Variants in RP1 observed in about 807,000 individuals in gnomAD.
The protein encoded by RP1 is oxygen-regulated protein 1.
Under a neutral mutation model 14.8 loss-of-function variants are expected in RP1, and 16 were observed. The observed-to-expected ratio is 1.08, with a 90% CI of 0.73 to 1.65. The LOEUF (loss-of-function observed/expected upper bound fraction) is 1.65, where lower values mean the gene tolerates loss of function less well. Ranked by LOEUF, RP1 falls within the 40% of genes most tolerant of loss-of-function variation. The probability of loss-of-function intolerance (pLI) is 0.00; values close to 1 mark genes in which losing one functional copy is unlikely to be tolerated. For synonymous variants in RP1, 876 were observed against 883.6 expected (o/e 0.99, Z 0.15); for missense variants, 2,631 against 2,535.0 (o/e 1.04, Z -0.81).
chr8:54,697,653 A>G (rs1351876671), intron 12 of RP1, among the ~76,000 whole-genome samples: 2 of 152,200 alleles, frequency 1.3e-5, no homozygotes, highest in South Asian at 2.1e-4. Context: ...TCTCAAGGCT[A>G]CAGAAACCAA....
At chr8:54,570,198 T>C (rs146690331) in intron 1 of RP1, among the ~76,000 whole-genome samples, 1,936 of 152,270 alleles carry the variant, frequency 0.013, 17 homozygotes, top group Middle Eastern at 0.034. Flanking sequence ...AGGAAGCCTG[T>C]GCTCCTGGAA....
At chr8:54,802,255 A>G (rs1810731441) in intron 24 of RP1, among the ~76,000 whole-genome samples, 1 of 152,192 alleles carries the variant, frequency 6.6e-6, no homozygotes, top group African/African-American at 2.4e-5. Context: ...CTTGTAATGT[A>G]TTTATTATAG....
At position 54,629,264 on chromosome 8, in the gene RP1, C is replaced by T. The variant is rs1230578289; in HGVS notation, c.5382C>T (p.Gly1794=). Residue 1794 remains glycine, a synonymous_variant, in exon 4 of 4, where the codon GGC becomes GGT. Coordinates refer to ENST00000220676, the MANE Select transcript of RP1 (RefSeq NM_006269.2). ...CACATTTTGGTAATTTGGCCCCAGG[C>T]CCAACGATGGATGAACTCTCCTCTT... The part of the protein sequence containing the change: ...PYSHFGNLAP[G]PTMDELSSSE... 5 of 1,613,646 alleles carry T rather than the reference C, an allele frequency of 3.1e-6. No individual in the cohort carries two copies. Among genetic ancestry groups the T allele is most frequent in the Non-Finnish European group, 4.2e-6 (5 of 1,179,814 alleles).
At chr8:54,732,220 A>C (rs1219737809) in intron 17 of RP1, among the ~76,000 whole-genome samples, 1 of 152,184 alleles carries the variant, frequency 6.6e-6, no homozygotes, top group Non-Finnish European at 1.5e-5. Flanking sequence ...ATTCTGAGCC[A>C]TATTCCTACA....
chr8:54,725,629 T>G (rs901773835), intron 16 of RP1, among the ~76,000 whole-genome samples: 7 of 152,196 alleles, frequency 4.6e-5, no homozygotes, highest in African/African-American at 1.7e-4. Flanking sequence ...TTCTTACTCT[T>G]TATCTTATAG....
intron 26 of RP1, among the ~76,000 whole-genome samples, chr8:54,853,796 G>A (rs974782294): frequency 8.1e-6 from 1 of 124,088 alleles, no homozygotes; most frequent in Non-Finnish European, 1.7e-5. Context: ...AAGAAAGAGA[G>A]AGAGAAAGAA....
At chr8:54,777,404 T>A (rs1295338871) in intron 23 of RP1, among the ~76,000 whole-genome samples, 1 of 152,180 alleles carries the variant, frequency 6.6e-6, no homozygotes, top group Non-Finnish European at 1.5e-5. Flanking sequence ...AATATCAAGA[T>A]AAAATAGGTA....
At chr8:54,583,010 G>A (rs926275891) in intron 1 of RP1, among the ~76,000 whole-genome samples, 1 of 152,066 alleles carries the variant, frequency 6.6e-6, no homozygotes. Context: ...CTGCCTGATT[G>A]CCCTGGCCAG....
intron 1 of RP1, among the ~76,000 whole-genome samples, chr8:54,587,772 G>A (rs1804964229): frequency 6.6e-6 from 1 of 152,224 alleles, no homozygotes; most frequent in South Asian, 2.1e-4. Flanking sequence ...AAGGTGAACT[G>A]ATGACTTTTT....
chr8:54,814,835 T>C (rs1473896668), intron 24 of RP1, among the ~76,000 whole-genome samples: 1 of 152,058 alleles, frequency 6.6e-6, no homozygotes, highest in Admixed American at 6.6e-5. Context: ...CTCCAGTATG[T>C]CTTTGGAAAC....
At chr8:54,811,726 G>A (rs1810999359) in intron 24 of RP1, among the ~76,000 whole-genome samples, 1 of 152,146 alleles carries the variant, frequency 6.6e-6, no homozygotes, top group South Asian at 2.1e-4. Context: ...CAAAAGGTTG[G>A]GTGTGCGAAA....
Position 54,743,202 on chromosome 8 carries a change from C to G in RP1, c.2808+4173C>G, listed in dbSNP as rs188332593. 4.5e-3 allele frequency among the ~76,000 whole-genome samples: 689 copies of G among 152,266 alleles called. 2 individuals are homozygous for G. Among genetic ancestry groups the G allele is most frequent in the Admixed American group, 7.6e-3 (116 of 15,288 alleles). Reference sequence around the variant, plus strand: ...GATTCCCAGTTGTTAAGGTTGCACTCCATCTACTTTACCATTCCCTGTTAA... The same window carrying G: ...GATTCCCAGTTGTTAAGGTTGCACTGCATCTACTTTACCATTCCCTGTTAA... On this transcript the variant is annotated intron_variant, in intron 19 of 22. Transcript: ENST00000636932.
intron 14 of RP1, chr8:54,701,809 G>A: frequency 1.4e-6 from 1 of 704,802 alleles, no homozygotes; most frequent in Non-Finnish European, 2.3e-6. Flanking sequence ...ATTCTGTTTG[G>A]CAGACTTTGA....
At chr8:54,583,065 C>T (rs1804835365) in intron 1 of RP1, among the ~76,000 whole-genome samples, 1 of 152,098 alleles carries the variant, frequency 6.6e-6, no homozygotes, top group Non-Finnish European at 1.5e-5. Context: ...AGAGGGCATC[C>T]CTGTCTTGTG....
At chr8:54,858,349 A>C (rs1812254869) in intron 27 of RP1, among the ~76,000 whole-genome samples, 1 of 152,264 alleles carries the variant, frequency 6.6e-6, no homozygotes, top group East Asian at 1.9e-4. Context: ...GCTTCCTTCT[A>C]TACATGGTGT....
At chr8:54,863,250 T>G (rs2129329147) in intron 27 of RP1, among the ~76,000 whole-genome samples, 1 of 152,082 alleles carries the variant, frequency 6.6e-6, no homozygotes, top group East Asian at 1.9e-4. Flanking sequence ...ACACATATAC[T>G]TACCATTGTG....
intron 17 of RP1, among the ~76,000 whole-genome samples, chr8:54,733,810 A>T (rs1808849238): frequency 6.6e-6 from 1 of 152,162 alleles, no homozygotes; most frequent in African/African-American, 2.4e-5. Flanking sequence ...CTGGCCCAGT[A>T]TCTCCTCAGA....
rs58704930 is a variant in RP1, at chr8:54,663,732, A to T, written c.1205A>T (p.Glu402Val). Residue 402 changes from glutamate to valine, a missense_variant, in exon 7 of 23, where the codon GAG (glutamate) becomes GTG (valine). Transcript: ENST00000636932. ...TATGAAGTGAATGTGGCAACGGGTG[A>T]GCTATGGAATGCTGGAACAGTAGCA... The T allele has an allele frequency of 7.8e-4, 1,196 of 1,532,370 alleles. 6 individuals are homozygous for T. The African/African-American group carries it at 0.015, about 19-fold the overall frequency. 94.9% of individuals were successfully genotyped at this position (1,532,370 alleles called of 1,614,324 possible).
At chr8:54,559,915 C>A (rs767161275) in intron 1 of RP1, among the ~76,000 whole-genome samples, 1 of 152,118 alleles carries the variant, frequency 6.6e-6, no homozygotes, top group Non-Finnish European at 1.5e-5. Flanking sequence ...GACTCAGTCC[C>A]CAACTGGGAG....
Sources: allele counts gnomAD v4.1 joint callset (sites outside exome capture counted in the v4.1 genomes callset), GRCh38; gene constraint gnomAD v4.1.1; transcripts MANE v1.5; gene names NCBI Gene and HGNC (gene_info 2026-07-23, HGNC 2026-07-21).